DZANK1: variants seen among roughly 807,000 people sequenced by gnomAD.
The protein encoded by DZANK1 is double zinc ribbon and ankyrin repeat domains 1, also known as double zinc ribbon and ankyrin repeat-containing protein 1.
DZANK1 carries 91 observed loss-of-function variants against 94.5 expected under a neutral mutation model. That is an observed-to-expected ratio of 0.96 (90% CI 0.81 to 1.15). DZANK1 has a LOEUF of 1.15. Ranked by LOEUF, DZANK1 falls within the 50% of genes most tolerant of loss-of-function variation. DZANK1 has a pLI of 0.00. For synonymous variants in DZANK1, 312 were observed against 325.3 expected (o/e 0.96, Z 0.44); for missense variants, 903 against 916.4 (o/e 0.99, Z 0.19).
At chr20:18,396,492 A>C in exon 15 of DZANK1, 1 of 1,613,474 alleles carries the variant, frequency 6.2e-7, no homozygotes, top group Non-Finnish European at 8.5e-7. Flanking sequence ...ACTTGACTAT[A>C]ATTCAGTCTG....
intron 8 of DZANK1, among the ~76,000 whole-genome samples, chr20:18,436,315 G>C (rs954554494): frequency 2.6e-5 from 4 of 150,966 alleles, no homozygotes; most frequent in Non-Finnish European, 5.9e-5. Context: ...CCAGAGGCGG[G>C]CGCCTGTAGT....
exon 21 of DZANK1, chr20:18,384,272 T>G: frequency 1.1e-6 from 1 of 950,016 alleles, no homozygotes; most frequent in Non-Finnish European, 1.5e-6. Flanking sequence ...TTGGTCAGGC[T>G]GGTCTTGAAC....
intron 5 of DZANK1, among the ~76,000 whole-genome samples, chr20:18,453,434 A>G (rs1023736493): frequency 1.3e-5 from 2 of 152,004 alleles, no homozygotes; most frequent in Non-Finnish European, 2.9e-5. Context: ...TATTTCACCC[A>G]AACTCCACCC....
chr20:18,414,519 G>T lies in DZANK1; in HGVS notation c.1078-7C>A, dbSNP rs770064879. 1 of 1,592,278 alleles carries T rather than the reference G, an allele frequency of 6.3e-7. No individual in the cohort carries two copies. Among genetic ancestry groups the T allele is most frequent in the South Asian group, 1.1e-5 (1 of 88,578 alleles). ...AGCCAGCAGGAATGCCGAGCTAGAG[G>T]ATAGAAAATATCTTGATGAATATTA... On this transcript the variant is annotated splice_region_variant and splice_polypyrimidine_tract_variant and intron_variant, in intron 11 of 20. Transcript: ENST00000262547.
At chr20:18,412,730 C>G (rs2148436015) in exon 13 of DZANK1, 1 of 1,613,756 alleles carries the variant, frequency 6.2e-7, no homozygotes, top group Non-Finnish European at 8.5e-7. Context: ...AGTTCCTGTT[C>G]CTTTTTTGCT....
At chr20:18,460,402 T>C in intron 2 of DZANK1, 96 bp from the exon 3 acceptor site, 3 of 931,424 alleles carry the variant, frequency 3.2e-6, no homozygotes, top group Non-Finnish European at 4.5e-6. Flanking sequence ...GTGTGTGATT[T>C]AAGATTTAAA....
At chr20:18,417,026 AAAAAAAAC>A (rs1334448707) in intron 10 of DZANK1, among the ~76,000 whole-genome samples, 37 of 70,894 alleles carry the variant, frequency 5.2e-4, no homozygotes, top group Non-Finnish European at 6.7e-4. Context: ...CAAAAAAACA[AAAAAAAAC>A]AAAAAAAAAA....
rs148303738 is a variant in DZANK1 at position 18,446,404 on chromosome 20, C to G, written c.629+2580G>C. Among the ~76,000 whole-genome samples, 301 of 152,246 alleles carry G rather than the reference C, an allele frequency of 2.0e-3. 1 individual carries two copies. The highest frequency in any genetic ancestry group is 6.8e-3 in the African/African-American group (284 of 41,548). On this transcript the variant is annotated intron_variant, in intron 7 of 20. Coordinates refer to ENST00000262547, the Ensembl canonical transcript of DZANK1. ...ACACTTCTAACTAACCCATTGCCCT[C>G]CCTACAAAATAACAAGGATAATTAG...
chr20:18,454,537 C>G (rs2424201), intron 4 of DZANK1: 1 of 158,180 alleles, frequency 6.3e-6, no homozygotes, highest in East Asian at 1.9e-4. Context: ...TCTTTCTTAT[C>G]GATGCTCACA....
At chr20:18,458,486 C>T (rs1235508135) in intron 3 of DZANK1, among the ~76,000 whole-genome samples, 1 of 152,158 alleles carries the variant, frequency 6.6e-6, no homozygotes, top group Non-Finnish European at 1.5e-5. Flanking sequence ...TTTTCTCCAT[C>T]TTCAAGAAAG....
chr20:18,394,954 G>A, intron 15 of DZANK1: 1 of 449,704 alleles, frequency 2.2e-6, no homozygotes, highest in Non-Finnish European at 4.5e-6. Context: ...AGACACAGAA[G>A]TCTGTGTGCA....
intron 8 of DZANK1, among the ~76,000 whole-genome samples, chr20:18,437,994 G>A (rs886737243): frequency 5.3e-5 from 8 of 151,826 alleles, no homozygotes; most frequent in Non-Finnish European, 1.2e-4. Flanking sequence ...CGAGGCGGGC[G>A]GATCATGAGG....
At chr20:18,463,629 C>A (rs1467319702) in intron 2 of DZANK1, among the ~76,000 whole-genome samples, 1 of 152,022 alleles carries the variant, frequency 6.6e-6, no homozygotes, top group Non-Finnish European at 1.5e-5. Context: ...AATTTTGATA[C>A]CCTACCATTC....
intron 13 of DZANK1, among the ~76,000 whole-genome samples, chr20:18,411,620 T>G (rs1239419802): frequency 6.6e-6 from 1 of 152,194 alleles, no homozygotes; most frequent in Non-Finnish European, 1.5e-5. Context: ...ACCATTATCC[T>G]GATACCAAAA....
At chr20:18,398,724 C>T in intron 13 of DZANK1, 98 bp from the exon 14 acceptor site, 1 of 1,216,544 alleles carries the variant, frequency 8.2e-7, no homozygotes, top group Non-Finnish European at 1.2e-6. Context: ...AGGTTAATTT[C>T]CTTTGTCAAA....
intron 3 of DZANK1, 106 bp downstream of exon 3, chr20:18,460,047 A>G: frequency 1.2e-6 from 1 of 812,088 alleles, no homozygotes; most frequent in Non-Finnish European, 1.8e-6. Flanking sequence ...ATGTTTCAGT[A>G]GTGTCCTTCT....
At chr20:18,465,544 T>C (rs2059618739) in intron 1 of DZANK1, 167 bp from the exon 2 acceptor site, 2 of 296,400 alleles carry the variant, frequency 6.7e-6, no homozygotes, top group Non-Finnish European at 1.2e-5. Flanking sequence ...CTGTATTTGC[T>C]GTTGAGGTCT....
At chr20:18,403,557 T>G (rs1422765987) in intron 13 of DZANK1, among the ~76,000 whole-genome samples, 1 of 152,136 alleles carries the variant, frequency 6.6e-6, no homozygotes, top group Non-Finnish European at 1.5e-5. Context: ...TAAAAAGCAG[T>G]TAAAAGAAGA....
chr20:18,426,419 G>C (rs1049574254), intron 10 of DZANK1, among the ~76,000 whole-genome samples: 1 of 152,140 alleles, frequency 6.6e-6, no homozygotes, highest in African/African-American at 2.4e-5. Flanking sequence ...GAATCTGTCC[G>C]AGATGAGAAC....
Sources: gnomAD v4.1 joint callset for allele counts (sites outside exome capture counted in the v4.1 genomes callset) on GRCh38, gnomAD v4.1.1 for gene constraint, MANE v1.5 for transcripts, NCBI Gene and HGNC (gene_info 2026-07-23, HGNC 2026-07-21) for gene names.